The following KCNAB1 variants were observed in gnomAD, a reference collection of about 807,000 sequenced individuals.
The protein encoded by KCNAB1 is potassium voltage-gated channel subfamily A regulatory beta subunit 1.
KCNAB1 carries 35 observed loss-of-function variants against 64.6 expected under a neutral mutation model. The observed-to-expected ratio is 0.54, with a 90% CI of 0.41 to 0.72. KCNAB1 has a LOEUF of 0.72. Ranked by LOEUF, KCNAB1 falls within the 30% of genes least tolerant of loss-of-function variation. The pLI is 0.00. For synonymous variants in KCNAB1, 177 were observed against 183.8 expected, an observed-to-expected ratio of 0.96 and a Z score of 0.30; for missense variants, 401 against 512.9, an observed-to-expected ratio of 0.78 and a Z score of 2.11.
chr3:156,398,446 G>T (rs1045364850), intron 1 of KCNAB1, among the ~76,000 whole-genome samples: 1 of 152,048 alleles, frequency 6.6e-6, no homozygotes, highest in African/African-American at 2.4e-5. Context: ...CAAAAAATTA[G>T]CCGGGCGAGG....
At chr3:156,525,558 C>A (rs1718255545) in intron 12 of KCNAB1, among the ~76,000 whole-genome samples, 1 of 152,176 alleles carries the variant, frequency 6.6e-6, no homozygotes. Context: ...CTCTGTCGCC[C>A]AGGCTGGAGT....
chr3:156,349,518 C>T (rs918736038), intron 1 of KCNAB1, among the ~76,000 whole-genome samples: 1 of 152,158 alleles, frequency 6.6e-6, no homozygotes, highest in African/African-American at 2.4e-5. Flanking sequence ...TTTTCTTCCA[C>T]CTTACCATTT....
chr3:156,451,738 C>A (rs552402402), intron 2 of KCNAB1, among the ~76,000 whole-genome samples: 1 of 152,158 alleles, frequency 6.6e-6, no homozygotes, highest in Non-Finnish European at 1.5e-5. Context: ...TTTCATCTCA[C>A]GGCCTGATGG....
intron 1 of KCNAB1, among the ~76,000 whole-genome samples, chr3:156,377,344 G>A (rs1216926887): frequency 6.6e-6 from 1 of 152,264 alleles, no homozygotes; most frequent in South Asian, 2.1e-4. Context: ...GTTAGAGGAG[G>A]GATGAGCCCC....
intron 1 of KCNAB1, chr3:156,143,025 C>A: frequency 1.5e-6 from 2 of 1,340,812 alleles, no homozygotes; most frequent in South Asian, 4.5e-5. Flanking sequence ...AGCCTGCTCG[C>A]CTACAAAAAT....
intron 1 of KCNAB1, among the ~76,000 whole-genome samples, chr3:156,356,522 A>G (rs1725256982): frequency 6.6e-6 from 1 of 152,192 alleles, no homozygotes; most frequent in African/African-American, 2.4e-5. Context: ...TCAGGTACCA[A>G]TTAAACCCAC....
chr3:156,509,375 GTGCTGCTGCTGCTGCTGC>G (rs67594426), intron 8 of KCNAB1, among the ~76,000 whole-genome samples: 2 of 151,058 alleles, frequency 1.3e-5, no homozygotes, highest in South Asian at 2.1e-4. Context: ...AAGTTTCCAG[GTGCTGCTGCTGCTGCTGC>G]TGCTGCTGCT....
intron 13 of KCNAB1, among the ~76,000 whole-genome samples, chr3:156,535,752 C>G (rs2108433701): frequency 6.6e-6 from 1 of 152,214 alleles, no homozygotes; most frequent in Non-Finnish European, 1.5e-5. Context: ...GCTCCACTGC[C>G]CTAGTTAAGG....
intron 2 of KCNAB1, among the ~76,000 whole-genome samples, chr3:156,426,917 G>A (rs1031059457): frequency 2.0e-5 from 3 of 152,116 alleles, no homozygotes; most frequent in Non-Finnish European, 4.4e-5. Flanking sequence ...GAAAACCTTG[G>A]GTCAGGAATA....
chr3:156,449,327 G>A (rs1001641479), intron 2 of KCNAB1, among the ~76,000 whole-genome samples: 1 of 152,078 alleles, frequency 6.6e-6, no homozygotes, highest in Non-Finnish European at 1.5e-5. Context: ...TCACTGTGAT[G>A]TACAGAATGC....
chr3:156,211,561 G>A (rs1336815030), intron 1 of KCNAB1, among the ~76,000 whole-genome samples: 1 of 152,160 alleles, frequency 6.6e-6, no homozygotes, highest in East Asian at 1.9e-4. Context: ...CCACACACAG[G>A]ATGATCAATT....
intron 1 of KCNAB1, among the ~76,000 whole-genome samples, chr3:156,133,087 T>C (rs1714097707): frequency 6.6e-6 from 1 of 152,236 alleles, no homozygotes; most frequent in African/African-American, 2.4e-5. Flanking sequence ...TCTTCATATT[T>C]AATTTGATTA....
chr3:156,364,576 C>T (rs887745922), intron 1 of KCNAB1, among the ~76,000 whole-genome samples: 11 of 152,042 alleles, frequency 7.2e-5, no homozygotes, highest in Non-Finnish European at 1.5e-4. Context: ...GTCGGGAGTT[C>T]GAGACCACCC....
intron 1 of KCNAB1, among the ~76,000 whole-genome samples, chr3:156,182,634 C>CCA (rs538020265): frequency 2.0e-5 from 3 of 151,794 alleles, no homozygotes; most frequent in African/African-American, 7.2e-5. Flanking sequence ...TTTTTTCCCC[C>CCA]CCCCGGGTCT....
rs2108302520 is a variant in KCNAB1 at position 156,465,650 on chromosome 3, A to G, written c.535A>G (p.Thr179Ala). Residue 179 changes from threonine (T) to alanine (A), a missense_variant, in exon 7 of 14, where the codon ACA becomes GCA. Thr to Ala is a moderately conservative substitution (Grantham distance 58, BLOSUM62 0). Coordinates refer to ENST00000490337, the MANE Select transcript of KCNAB1 (RefSeq NM_172160.3). The stretch of plus-strand genomic sequence containing the variant: ...GCTTCTTTTTCTTGGCAGAGCTGAA[A>G]CAGAAAGAGGGCTGTCAAGAAAGCA... ...TKLYWGGKAETERGLSRKHII... is the reference protein window; with the variant it reads ...TKLYWGGKAEAERGLSRKHII... 6.2e-7 allele frequency: 1 copy of G among 1,613,426 alleles called. No individual in the cohort carries two copies. The highest frequency in any genetic ancestry group is 1.3e-5 in the African/African-American group (1 of 75,040).
chr3:156,297,818 A>G (rs769101599), intron 1 of KCNAB1, among the ~76,000 whole-genome samples: 7 of 151,612 alleles, frequency 4.6e-5, no homozygotes, highest in Non-Finnish European at 8.8e-5. Context: ...AAGTCTCCGT[A>G]TGGGGAAAAG....
intron 1 of KCNAB1, among the ~76,000 whole-genome samples, chr3:156,384,053 C>T (rs1045976982): frequency 5.3e-5 from 8 of 152,160 alleles, no homozygotes; most frequent in Non-Finnish European, 7.3e-5. Flanking sequence ...ATTCAGGAAA[C>T]ATTAAATGTT....
intron 3 of KCNAB1, among the ~76,000 whole-genome samples, chr3:156,455,604 A>G (rs9289966): frequency 0.17 from 25,288 of 152,128 alleles, 3,511 homozygotes; most frequent in African/African-American, 0.38. Flanking sequence ...ACCTTTAACT[A>G]TAGGTAACAA....
Position 156,457,477 on chromosome 3 carries a change from G to A in KCNAB1, c.382G>A (p.Ala128Thr). 6.2e-7 allele frequency: 1 copy of A among 1,613,822 alleles called. No homozygotes were observed. The highest frequency in any genetic ancestry group is 8.5e-7 in the Non-Finnish European group (1 of 1,179,800). The change falls in exon 4 of 14, where the codon GCC becomes ACC. Residue 128 changes from alanine (A) to threonine (T), a missense_variant. Coordinates refer to ENST00000490337, the MANE Select transcript of KCNAB1 (RefSeq NM_172160.3). ...DEVAERLMTI[A>T]YESGVNLFDT... ...GGTTGCTGAACGGCTGATGACCATC[G>A]CCTATGAAAGTGGTGTTAACCTCTT...
Sources: gnomAD v4.1 joint callset for allele counts (sites outside exome capture counted in the v4.1 genomes callset) on GRCh38, gnomAD v4.1.1 for gene constraint, MANE v1.5 for transcripts, NCBI Gene and HGNC (gene_info 2026-07-23, HGNC 2026-07-21) for gene names.